IGF2BP1: variants seen among roughly 807,000 people sequenced by gnomAD.
IGF2BP1 encodes insulin like growth factor 2 mRNA binding protein 1, also known as insulin-like growth factor 2 mRNA-binding protein 1.
Under a neutral mutation model 74.9 loss-of-function variants are expected in IGF2BP1, and 11 were observed. The observed-to-expected ratio is 0.15, with a 90% CI of 0.09 to 0.24. The LOEUF is 0.24. Among genes scored for constraint, IGF2BP1 ranks in the 10% least tolerant of loss-of-function variants. The pLI is 1.00. For synonymous variants in IGF2BP1, 287 were observed against 281.8 expected (o/e 1.02, Z -0.18); for missense variants, 440 against 757.4 (o/e 0.58, Z 4.92).
intron 4 of IGF2BP1, among the ~76,000 whole-genome samples, chr17:49,029,582 A>T (rs1438835996): frequency 6.6e-6 from 1 of 152,186 alleles, no homozygotes; most frequent in Non-Finnish European, 1.5e-5. Context: ...CAGGGGACCC[A>T]AATTCACAAG....
chr17:49,011,271 A>G (rs2041616769), intron 2 of IGF2BP1, among the ~76,000 whole-genome samples: 2 of 151,994 alleles, frequency 1.3e-5, no homozygotes, highest in African/African-American at 2.4e-5. Context: ...ATTCACAGAA[A>G]TGAGGCTCTC....
At position 49,039,963 on chromosome 17, in the gene IGF2BP1, C is replaced by T. The variant is rs372137995; in HGVS notation, c.690C>T (p.Asp230=). 2.4e-5 allele frequency: 38 copies of T among 1,612,382 alleles called. No individual in the cohort carries two copies. The highest frequency in any genetic ancestry group is 1.8e-4 in the East Asian group (8 of 44,888). The change falls in exon 7 of 15, where the codon GAC becomes GAT. Residue 230 remains aspartate (D), a synonymous_variant. Coordinates refer to ENST00000290341, the MANE Select transcript of IGF2BP1 (RefSeq NM_006546.4). ...NITKQTQSKI[D]VHRKENAGAA... Reference sequence around the variant, plus strand: ...TTGTCCTTGTGGCCCCCAGGATAGACGTGCATAGGAAGGAGAACGCAGGTG... The same window carrying T: ...TTGTCCTTGTGGCCCCCAGGATAGATGTGCATAGGAAGGAGAACGCAGGTG...
rs1212091170 is a variant in IGF2BP1 at position 49,051,796 on chromosome 17, A to G, written c.*2352A>G. The G allele has an allele frequency of 6.6e-6, 1 of 152,162 alleles. No individual in the cohort carries two copies. Among genetic ancestry groups the G allele is most frequent in the Non-Finnish European group, 1.5e-5 (1 of 68,026 alleles). The allele number at this position is 152,162 out of a possible 1,614,324, so 9.4% of individuals were successfully genotyped here. ...AAGACAAGGCCACCCTCTCGCCCTC[A>G]GAGAGGTCCACCTGGTTTGTCATTG... On this transcript the variant is annotated 3_prime_UTR_variant, in exon 15 of 15. Transcript: ENST00000290341.
At chr17:49,018,767 G>A (rs1005332121) in intron 2 of IGF2BP1, among the ~76,000 whole-genome samples, 5 of 152,036 alleles carry the variant, frequency 3.3e-5, no homozygotes, top group African/African-American at 1.2e-4. Context: ...CCCTGTCTGG[G>A]GACACAGGAC....
At chr17:49,008,113 AGT>A (rs2041572027) in intron 2 of IGF2BP1, among the ~76,000 whole-genome samples, 1 of 151,876 alleles carries the variant, frequency 6.6e-6, no homozygotes, top group Non-Finnish European at 1.5e-5. Context: ...CAGAGGTTAC[AGT>A]GAGCAGAGAT....
At chr17:49,017,093 C>G (rs1474348615) in intron 2 of IGF2BP1, among the ~76,000 whole-genome samples, 1 of 151,884 alleles carries the variant, frequency 6.6e-6, no homozygotes, top group Admixed American at 6.6e-5. Context: ...AGGTTGGCAC[C>G]TTAGGGCAAC....
chr17:49,029,879 T>TG (rs2041902363), intron 4 of IGF2BP1, among the ~76,000 whole-genome samples: 1 of 151,754 alleles, frequency 6.6e-6, no homozygotes, highest in Non-Finnish European at 1.5e-5. Flanking sequence ...CACCACCTTC[T>TG]GAAGTGATTC....
intron 2 of IGF2BP1, among the ~76,000 whole-genome samples, chr17:49,021,863 G>A (rs576154338): frequency 3.9e-5 from 6 of 152,208 alleles, no homozygotes; most frequent in African/African-American, 1.4e-4. Flanking sequence ...GTGCTGGAGC[G>A]GGTCCCTGGT....
chr17:49,029,207 G>A (rs894008798), intron 4 of IGF2BP1, among the ~76,000 whole-genome samples: 4 of 152,200 alleles, frequency 2.6e-5, no homozygotes, highest in Admixed American at 2.6e-4. Flanking sequence ...GCTCCACAAA[G>A]GCAGAGGTTT....
At chr17:49,033,413 C>T (rs962240254) in intron 5 of IGF2BP1, among the ~76,000 whole-genome samples, 3 of 151,942 alleles carry the variant, frequency 2.0e-5, no homozygotes, top group African/African-American at 7.3e-5. Context: ...GTGATCTTGG[C>T]TCACTGCAAC....
In IGF2BP1 at chr17:49,051,538, A is replaced by G. The variant is rs924128321; in HGVS notation, c.*2094A>G. 2.0e-5 allele frequency: 3 copies of G among 152,216 alleles called. No homozygotes were observed. The highest frequency in any genetic ancestry group is 7.2e-5 in the African/African-American group (3 of 41,456). The allele number at this position is 152,216 out of a possible 1,614,324, so 9.4% of individuals were successfully genotyped here. On this transcript the variant is annotated 3_prime_UTR_variant, in exon 15 of 15. Transcript: ENST00000290341. ...AGGCCTAGTGGAGCTGGGGGCTCTCAGTGGTTAAACAATGCCCAACAACCA... is the reference window on the plus strand; with the variant it reads ...AGGCCTAGTGGAGCTGGGGGCTCTCGGTGGTTAAACAATGCCCAACAACCA...
At chr17:49,028,842 C>G (rs755331650) in intron 4 of IGF2BP1, among the ~76,000 whole-genome samples, 1 of 152,192 alleles carries the variant, frequency 6.6e-6, no homozygotes, top group African/African-American at 2.4e-5. Flanking sequence ...GAGTCTCACT[C>G]TGTTACCCAG....
chr17:49,019,770 A>C (rs1271863367), intron 2 of IGF2BP1, among the ~76,000 whole-genome samples: 1 of 150,330 alleles, frequency 6.7e-6, no homozygotes, highest in Non-Finnish European at 1.5e-5. Context: ...TTGAGACAGG[A>C]TCTCACTCTC....
At position 49,046,431 on chromosome 17, in the gene IGF2BP1, C is replaced by T. The variant is rs535975746; in HGVS notation, c.1641+58C>T. ...TGCAGGAGCCCAGGGAGCAGAGAAG[C>T]AGAGACTCTATAGAGGTTGACCTTC... On this transcript the variant is annotated intron_variant, in intron 14 of 14. Transcript: ENST00000290341. The T allele has an allele frequency of 1.9e-5, 25 of 1,302,938 alleles. No homozygotes were observed. In the South Asian group the frequency reaches 2.5e-4, roughly 13 times the overall value. The allele number at this position is 1,302,938 out of a possible 1,614,324, so 80.7% of individuals were successfully genotyped here.
chr17:48,999,555 A>G (rs1320718028), intron 2 of IGF2BP1, among the ~76,000 whole-genome samples: 1 of 151,300 alleles, frequency 6.6e-6, no homozygotes, highest in Non-Finnish European at 1.5e-5. Flanking sequence ...AGCAGGCCTC[A>G]TTTTCTGTTT....
At position 49,044,255 on chromosome 17, in the gene IGF2BP1, C is replaced by T. The variant is rs895771311; in HGVS notation, c.1320+169C>T. Among the ~76,000 whole-genome samples, 4 of 152,148 alleles carry T rather than the reference C, an allele frequency of 2.6e-5. No homozygotes were observed. The East Asian group carries it at 7.7e-4, about 29-fold the overall frequency. On this transcript the variant is annotated intron_variant, in intron 11 of 14. Transcript: ENST00000290341. ...CTCTTTGTTTTTGATCTTGCTTGGTCCCCATGGGATGGCTTCAGTGCTTCT... is the reference window on the plus strand; with the variant it reads ...CTCTTTGTTTTTGATCTTGCTTGGTTCCCATGGGATGGCTTCAGTGCTTCT...
intron 2 of IGF2BP1, among the ~76,000 whole-genome samples, chr17:49,020,138 C>G (rs189407559): frequency 4.9e-4 from 74 of 151,428 alleles, no homozygotes; most frequent in Admixed American, 4.2e-3. Context: ...AACCTCCCAG[C>G]CTCTTGGGTT....
At chr17:49,039,835 T>C in intron 6 of IGF2BP1, 122 bp from the exon 7 acceptor site, 2 of 1,033,994 alleles carry the variant, frequency 1.9e-6, no homozygotes, top group Non-Finnish European at 2.9e-6. Context: ...TTGTACTTGA[T>C]TGTCCTTGTT....
At chr17:49,015,562 C>T (rs900735657) in intron 2 of IGF2BP1, among the ~76,000 whole-genome samples, 1 of 152,230 alleles carries the variant, frequency 6.6e-6, no homozygotes, top group Non-Finnish European at 1.5e-5. Flanking sequence ...TGGGTCACCT[C>T]TTTTCTATTT....
Sources: gnomAD v4.1 joint callset for allele counts (sites outside exome capture counted in the v4.1 genomes callset) on GRCh38, gnomAD v4.1.1 for gene constraint, MANE v1.5 for transcripts, NCBI Gene and HGNC (gene_info 2026-07-23, HGNC 2026-07-21) for gene names.